The following SLC2A9 variants were observed in gnomAD, a reference collection of about 807,000 sequenced individuals.
SLC2A9 encodes solute carrier family 2, facilitated glucose transporter member 9.
A neutral mutation model predicts 50.6 loss-of-function variants in SLC2A9; 39 were observed. That is an observed-to-expected ratio of 0.77 (90% CI 0.60 to 1.01). The LOEUF is 1.01. Among genes scored for constraint, SLC2A9 ranks in the 50% least tolerant of loss-of-function variants. SLC2A9 has a pLI of 0.00. For synonymous variants in SLC2A9, 324 were observed against 276.9 expected (o/e 1.17, Z -1.69); for missense variants, 686 against 677.6 (o/e 1.01, Z -0.14).
At chr4:9,946,923 T>A (rs1310494942) in intron 5 of SLC2A9, among the ~76,000 whole-genome samples, 1 of 152,166 alleles carries the variant, frequency 6.6e-6, no homozygotes, top group Admixed American at 6.5e-5. Context: ...CAGTATAAAA[T>A]AATAATCAAA....
rs146972611 is a variant in SLC2A9, at chr4:9,807,977, A to T, written n.421-8736T>A. 2.8e-3 allele frequency among the ~76,000 whole-genome samples: 422 copies of T among 152,274 alleles called. 5 individuals are homozygous for T. The highest frequency in any genetic ancestry group is 9.7e-3 in the African/African-American group (403 of 41,538). ...TTTATTTGCTCTTTCCTGAAATCTCACCATGTCTTGCCACCTTGCAGCTGG... is the reference window on the plus strand; with the variant it reads ...TTTATTTGCTCTTTCCTGAAATCTCTCCATGTCTTGCCACCTTGCAGCTGG... On this transcript the variant is annotated intron_variant and non_coding_transcript_variant, in intron 3 of 3. Coordinates refer to the SLC2A9 transcript ENST00000503280.
downstream of SLC2A9, among the ~76,000 whole-genome samples, chr4:9,777,094 A>ATGACATTGTTTATTT (rs1717663444): frequency 6.6e-6 from 1 of 152,190 alleles, no homozygotes. Context: ...TTAGCACTGT[A>ATGACATTGTTTATTT]TGACATTGTT....
At chr4:9,966,533 G>A (rs978838786) in intron 5 of SLC2A9, among the ~76,000 whole-genome samples, 14 of 152,048 alleles carry the variant, frequency 9.2e-5, no homozygotes, top group Non-Finnish European at 2.1e-4. Context: ...GTGGATGCCT[G>A]TAGTCCCAGC....
intron 6 of SLC2A9, among the ~76,000 whole-genome samples, chr4:9,932,461 T>C (rs1746324787): frequency 6.6e-6 from 1 of 152,296 alleles, no homozygotes; most frequent in African/African-American, 2.4e-5. Flanking sequence ...AATTCATTTA[T>C]AAACATATCA....
intron 7 of SLC2A9, among the ~76,000 whole-genome samples, chr4:9,914,808 C>T (rs570590218): frequency 5.9e-5 from 9 of 152,324 alleles, no homozygotes; most frequent in Non-Finnish European, 8.8e-5. Context: ...AGATGCCCAA[C>T]AGCCGGTCCA....
chr4:9,790,136 T>C (rs1719715203), intron 3 of SLC2A9, among the ~76,000 whole-genome samples: 2 of 152,198 alleles, frequency 1.3e-5, no homozygotes, highest in Non-Finnish European at 2.9e-5. Context: ...GAGCATCTAC[T>C]CCTGGAGAAC....
At chr4:9,846,258 A>G (rs1230682724) in intron 10 of SLC2A9, among the ~76,000 whole-genome samples, 1 of 152,226 alleles carries the variant, frequency 6.6e-6, no homozygotes, top group Non-Finnish European at 1.5e-5. Flanking sequence ...GACAACAGCC[A>G]AGATATATCA....
chr4:9,832,681 T>C (rs1012952915), intron 11 of SLC2A9, among the ~76,000 whole-genome samples: 4 of 152,090 alleles, frequency 2.6e-5, no homozygotes, highest in African/African-American at 9.7e-5. Context: ...TTGATTCCAG[T>C]TTTTAGAAAT....
chr4:9,895,164 G>A (rs1312648215), intron 8 of SLC2A9, among the ~76,000 whole-genome samples: 3 of 152,222 alleles, frequency 2.0e-5, no homozygotes, highest in Non-Finnish European at 4.4e-5. Context: ...TGAGGGACAT[G>A]TGGCTTTTTG....
At chr4:10,022,777 G>T (rs1018161275), upstream of SLC2A9, among the ~76,000 whole-genome samples, 1 of 152,242 alleles carries the variant, frequency 6.6e-6, no homozygotes, top group African/African-American at 2.4e-5. Flanking sequence ...TGAAACGCAC[G>T]TGGAAACGTC....
chr4:9,953,982 T>C (rs1750758567), intron 5 of SLC2A9, among the ~76,000 whole-genome samples: 2 of 151,980 alleles, frequency 1.3e-5, no homozygotes, highest in Non-Finnish European at 2.9e-5. Context: ...GCTGATTTTG[T>C]ATTTTTGGTA....
downstream of SLC2A9, among the ~76,000 whole-genome samples, chr4:9,774,813 C>T (rs1829410): frequency 6.6e-6 from 1 of 151,912 alleles, no homozygotes; most frequent in South Asian, 2.1e-4. Context: ...CTCCCTACTT[C>T]TTTCTCTTTC....
chr4:9,949,403 C>A (rs1749793399), intron 5 of SLC2A9, among the ~76,000 whole-genome samples: 1 of 152,172 alleles, frequency 6.6e-6, no homozygotes, highest in South Asian at 2.1e-4. Flanking sequence ...AATGCTAAAA[C>A]TGTCCTATAT....
chr4:9,832,298 T>C (rs1726299061), intron 11 of SLC2A9, among the ~76,000 whole-genome samples: 1 of 152,164 alleles, frequency 6.6e-6, no homozygotes. Context: ...ATTTCTCTAA[T>C]GCATTGATCA....
rs1752712851 is a variant in SLC2A9, at chr4:9,964,169, C to T, written c.681+16423G>A. ...TATTAAAGCCAATTTTGTATGCACC[C>T]GGGTATACAAAAGAGTCTGAAATTA... On this transcript the variant is annotated intron_variant, in intron 5 of 11. Transcript: ENST00000264784. Among the ~76,000 whole-genome samples, 3 of 152,120 alleles carry T rather than the reference C, an allele frequency of 2.0e-5. No homozygotes were observed. In the South Asian group the frequency reaches 6.2e-4, roughly 32 times the overall value.
At chr4:9,954,521 T>C (rs4312757) in intron 5 of SLC2A9, among the ~76,000 whole-genome samples, 1 of 152,068 alleles carries the variant, frequency 6.6e-6, no homozygotes, top group Non-Finnish European at 1.5e-5. Context: ...CTATACTGGC[T>C]GGTGGCTGGC....
intron 3 of SLC2A9, among the ~76,000 whole-genome samples, chr4:9,804,651 A>AT (rs1577335020): frequency 6.6e-6 from 1 of 151,950 alleles, no homozygotes; most frequent in South Asian, 2.1e-4. Flanking sequence ...CAAATGCTGC[A>AT]TTTTTTCCTA....
intron 5 of SLC2A9, among the ~76,000 whole-genome samples, chr4:9,966,037 C>A (rs983830017): frequency 1.3e-5 from 2 of 152,122 alleles, no homozygotes; most frequent in African/African-American, 4.8e-5. Context: ...CTTGTTACAG[C>A]ATCAACAGGA....
At chr4:9,865,892 G>A (rs1007203739) in intron 10 of SLC2A9, among the ~76,000 whole-genome samples, 7 of 152,320 alleles carry the variant, frequency 4.6e-5, no homozygotes, top group East Asian at 3.9e-4. Context: ...ATCTGGCCCC[G>A]GGGCCCATGA....
Sources: allele counts gnomAD v4.1 joint callset (sites outside exome capture counted in the v4.1 genomes callset), GRCh38; gene constraint gnomAD v4.1.1; transcripts MANE v1.5; gene names NCBI Gene and HGNC (gene_info 2026-07-23, HGNC 2026-07-21).